The following DLG5 variants were observed in gnomAD, a reference collection of about 807,000 sequenced individuals.
The protein encoded by DLG5 is discs large MAGUK scaffold protein 5.
A neutral mutation model predicts 189.8 loss-of-function variants in DLG5; 48 were observed. The observed-to-expected ratio is 0.25, with a 90% CI of 0.20 to 0.32. DLG5 has a LOEUF of 0.32. Among genes scored for constraint, DLG5 ranks in the 10% least tolerant of loss-of-function variants. DLG5 has a pLI of 1.00. For synonymous variants in DLG5, 1,016 were observed against 1,054.1 expected (o/e 0.96, Z 0.70); for missense variants, 2,160 against 2,544.7 (o/e 0.85, Z 3.25).
At chr10:77,792,659 G>T in intron 31 of DLG5, 116 bp from the exon 32 acceptor site, 1 of 927,094 alleles carries the variant, frequency 1.1e-6, no homozygotes, top group Non-Finnish European at 1.7e-6. Flanking sequence ...GTGCTCCTTG[G>T]CACTCTGCTC....
intron 1 of DLG5, among the ~76,000 whole-genome samples, chr10:77,908,900 A>G: frequency 6.6e-6 from 1 of 152,354 alleles, no homozygotes; most frequent in Middle Eastern, 3.4e-3. Context: ...GAAGGTGAGA[A>G]GGAGGAAGTC....
intron 1 of DLG5, among the ~76,000 whole-genome samples, chr10:77,889,127 G>T (rs1414132698): frequency 7.1e-6 from 1 of 140,768 alleles, no homozygotes; most frequent in Non-Finnish European, 1.5e-5. Flanking sequence ...AACCTCCCAG[G>T]CCTCACAAGC....
intron 1 of DLG5, among the ~76,000 whole-genome samples, chr10:77,922,680 T>C (rs1004370611): frequency 1.1e-4 from 17 of 152,032 alleles, no homozygotes; most frequent in African/African-American, 3.9e-4. Flanking sequence ...GACAGGGCCC[T>C]GGAACCAAAG....
At chr10:77,883,612 T>C (rs548816216) in intron 1 of DLG5, among the ~76,000 whole-genome samples, 3 of 151,916 alleles carry the variant, frequency 2.0e-5, no homozygotes, top group African/African-American at 4.8e-5. Context: ...AACAATGTCA[T>C]TGGGAAAGAA....
Position 77,926,328 on chromosome 10 carries a change from G to A in DLG5, c.193C>T (p.Arg65Trp). ...GCCCGCAGGTCCTGGAAGTGGTCCCGCTCCTTGGCCAAGAGCAGCTTGAGC... is the reference window on the plus strand; with the variant it reads ...GCCCGCAGGTCCTGGAAGTGGTCCCACTCCTTGGCCAAGAGCAGCTTGAGC... ...LLLKLLLAKE[R>W]DHFQDLRAAL... Residue 65 changes from arginine (R) to tryptophan (W), a missense_variant, in exon 1 of 32, where the codon CGG becomes TGG. By Grantham distance (101) the Arg-to-Trp change is moderately radical. Transcript: ENST00000372391. The surrounding 1 kb of genome is among the most constrained non-coding windows in gnomAD (Gnocchi z 5.2). 1 of 1,603,828 alleles carries A rather than the reference G, an allele frequency of 6.2e-7. No individual in the cohort carries two copies. The highest frequency in any genetic ancestry group is 2.2e-5 in the East Asian group (1 of 44,456).
intron 1 of DLG5, among the ~76,000 whole-genome samples, chr10:77,891,219 G>T (rs1481425651): frequency 6.6e-6 from 1 of 152,192 alleles, no homozygotes; most frequent in South Asian, 2.1e-4. Flanking sequence ...GGTCAGGGTG[G>T]TTTCATGGAT....
rs542622425 is a variant in DLG5, at chr10:77,881,973, C to T, written c.305-12776G>A. Among the ~76,000 whole-genome samples, 5 of 152,332 alleles carry T rather than the reference C, an allele frequency of 3.3e-5. No homozygotes were observed. In the South Asian group the frequency reaches 1.0e-3, roughly 32 times the overall value. ...TATCTAAGACATCAGCAAACGGGTG[C>T]TGTTTCTGCCCCCTCTTTCTTCAAT... On this transcript the variant is annotated intron_variant, in intron 1 of 31. Transcript: ENST00000372391.
chr10:77,847,059 C>A (rs535469581), intron 5 of DLG5, among the ~76,000 whole-genome samples: 1 of 152,244 alleles, frequency 6.6e-6, no homozygotes, highest in East Asian at 1.9e-4. Flanking sequence ...GGATCCGGGC[C>A]TGTGTGACAA....
intron 6 of DLG5, 37 bp from the exon 7 acceptor site, chr10:77,842,230 G>A (rs879089734): frequency 1.9e-6 from 3 of 1,578,180 alleles, no homozygotes; most frequent in Non-Finnish European, 2.6e-6. Context: ...GAAGGGCGGG[G>A]GCCCTGCCCG....
At chr10:77,835,999 G>A in intron 7 of DLG5, 77 bp from the exon 8 acceptor site, 1 of 1,480,804 alleles carries the variant, frequency 6.8e-7, no homozygotes, top group African/African-American at 1.4e-5. Context: ...CCAGTGCGGG[G>A]GCCAAGGCTG....
At chr10:77,810,449 G>C (rs184496376) in intron 23 of DLG5, among the ~76,000 whole-genome samples, 1 of 152,192 alleles carries the variant, frequency 6.6e-6, no homozygotes, top group Non-Finnish European at 1.5e-5. Flanking sequence ...CCTCCAGGAC[G>C]GCAGAGTGAT....
In DLG5 at chr10:77,917,214, C is replaced by T. The variant is rs529106154; in HGVS notation, c.304+9003G>A. Among the ~76,000 whole-genome samples the T allele has an allele frequency of 2.2e-3, 329 of 151,954 alleles. 11 individuals carry two copies. The South Asian group carries it at 0.067, about 31-fold the overall frequency. On this transcript the variant is annotated intron_variant, in intron 1 of 31. Transcript: ENST00000372391. ...AAAATCAGTCGGGCATGGTGGCGGG[C>T]GCCTGTAGTCCCAGCTACTCAGGAG...
chr10:77,797,765 G>A (rs891124031), intron 27 of DLG5, among the ~76,000 whole-genome samples: 7 of 152,202 alleles, frequency 4.6e-5, no homozygotes, highest in African/African-American at 1.7e-4. Context: ...GAGGCAGAAG[G>A]CTCAGGAGAA....
At chr10:77,936,648 CAA>C in the DLG5 span, among the ~76,000 whole-genome samples, 2 of 152,140 alleles carry the variant, frequency 1.3e-5, no homozygotes, top group African/African-American at 4.8e-5. Flanking sequence ...TACTGTGTGC[CAA>C]GTTCTTGGCT....
chr10:77,797,788 G>A (rs1419467114), intron 27 of DLG5, among the ~76,000 whole-genome samples: 1 of 152,212 alleles, frequency 6.6e-6, no homozygotes, highest in Non-Finnish European at 1.5e-5. Flanking sequence ...CAAGCACAGT[G>A]CCAGCTGCAG....
intron 24 of DLG5, among the ~76,000 whole-genome samples, chr10:77,809,133 A>T (rs1480210789): frequency 6.7e-6 from 1 of 149,404 alleles, no homozygotes; most frequent in Non-Finnish European, 1.5e-5. Context: ...GAGGCTGGAC[A>T]CGGTAGCTCA....
intron 8 of DLG5, among the ~76,000 whole-genome samples, chr10:77,834,309 C>G (rs1300990338): frequency 1.3e-5 from 2 of 152,078 alleles, no homozygotes; most frequent in East Asian, 1.9e-4. Context: ...CCTGTTTCAC[C>G]CTCAATGTGC....
chr10:77,908,481 G>A (rs932581308), intron 1 of DLG5, among the ~76,000 whole-genome samples: 1 of 152,146 alleles, frequency 6.6e-6, no homozygotes, highest in Non-Finnish European at 1.5e-5. Context: ...GAGAATGACT[G>A]GAAGGACAGC....
intron 16 of DLG5, 50 bp from the exon 17 acceptor site, chr10:77,819,515 C>T (rs1293293684): frequency 6.3e-7 from 1 of 1,576,468 alleles, no homozygotes; most frequent in African/African-American, 1.4e-5. Flanking sequence ...CCAGCCAGCC[C>T]AGGACTTACA....
Sources: allele counts gnomAD v4.1 joint callset (sites outside exome capture counted in the v4.1 genomes callset), GRCh38; gene constraint gnomAD v4.1.1; non-coding constraint Gnocchi (gnomAD v3.1); transcripts MANE v1.5; gene names NCBI Gene and HGNC (gene_info 2026-07-23, HGNC 2026-07-21).